The following PCDH15 variants were observed in gnomAD, a reference collection of about 807,000 sequenced individuals.
PCDH15 encodes the protein protocadherin related 15.
In PCDH15, 129 loss-of-function variants were observed where a neutral mutation model predicts 178.5. The ratio of observed to expected loss-of-function variants is 0.72; its 90% CI spans 0.63 to 0.84. The LOEUF is 0.84. Among genes scored for constraint, PCDH15 ranks in the 40% least tolerant of loss-of-function variants. PCDH15 has a pLI of 0.00. For synonymous variants in PCDH15, 800 were observed against 732.0 expected (o/e 1.09, Z -1.50); for missense variants, 2,230 against 2,099.9 (o/e 1.06, Z -1.21).
chr10:53,920,908 G>A (rs563503262), intron 25 of PCDH15, among the ~76,000 whole-genome samples: 138 of 152,220 alleles, frequency 9.1e-4, no homozygotes, highest in African/African-American at 3.0e-3. Flanking sequence ...GAAAAACACA[G>A]TCTAATTATT....
chr10:54,388,669 T>C (rs554160165), intron 3 of PCDH15, among the ~76,000 whole-genome samples: 13 of 152,324 alleles, frequency 8.5e-5, no homozygotes, highest in Admixed American at 3.3e-4. Context: ...AGCTGTGGTG[T>C]GAGCTCTTTG....
chr10:54,429,493 T>C (rs1956697964), intron 3 of PCDH15, among the ~76,000 whole-genome samples: 1 of 152,062 alleles, frequency 6.6e-6, no homozygotes, highest in Non-Finnish European at 1.5e-5. Context: ...TGATAACTTG[T>C]AATGTAAATG....
chr10:54,532,595 T>A (rs778888124), intron 2 of PCDH15, among the ~76,000 whole-genome samples: 1 of 152,148 alleles, frequency 6.6e-6, no homozygotes, highest in Admixed American at 6.5e-5. Context: ...ATTTACTGAA[T>A]GCAAAAACAA....
chr10:54,528,930 AG>A (rs1188833492), intron 2 of PCDH15, among the ~76,000 whole-genome samples: 11 of 152,036 alleles, frequency 7.2e-5, no homozygotes, highest in African/African-American at 2.7e-4. Flanking sequence ...TGAGACATAA[AG>A]TACTCTACTA....
At chr10:55,318,566 T>C (rs1843793042) in intron 1 of PCDH15, among the ~76,000 whole-genome samples, 1 of 151,966 alleles carries the variant, frequency 6.6e-6, no homozygotes, top group South Asian at 2.1e-4. Context: ...AATGAAGAAG[T>C]ACCCAGAATT....
At chr10:54,124,548 G>A (rs1411357882) in intron 15 of PCDH15, among the ~76,000 whole-genome samples, 1 of 152,078 alleles carries the variant, frequency 6.6e-6, no homozygotes, top group Admixed American at 6.6e-5. Flanking sequence ...AGATGAAAAA[G>A]GGCATTGCCA....
intron 2 of PCDH15, among the ~76,000 whole-genome samples, chr10:55,525,610 AGACTCTTT>A (rs1221268879): frequency 1.3e-5 from 2 of 151,938 alleles, no homozygotes; most frequent in Admixed American, 6.6e-5. Flanking sequence ...GTAAGTTGAA[AGACTCTTT>A]TATTTATGAC....
At chr10:54,555,736 C>CAAAAAAAAAAAAAAAA (rs869032040) in intron 2 of PCDH15, among the ~76,000 whole-genome samples, 2 of 73,388 alleles carry the variant, frequency 2.7e-5, no homozygotes, top group Non-Finnish European at 5.3e-5. Flanking sequence ...GACTCTGTCT[C>CAAAAAAAAAAAAAAAA]AAAAAAAAAA....
chr10:54,402,975 C>T (rs1199385544), intron 3 of PCDH15, among the ~76,000 whole-genome samples: 1 of 151,926 alleles, frequency 6.6e-6, no homozygotes, highest in Non-Finnish European at 1.5e-5. Flanking sequence ...CATGTTGTAA[C>T]CAAGATAGGC....
At chr10:54,553,009 T>C (rs193179456) in intron 2 of PCDH15, among the ~76,000 whole-genome samples, 111 of 152,322 alleles carry the variant, frequency 7.3e-4, no homozygotes, top group African/African-American at 2.2e-3. Context: ...GTCATGGATT[T>C]TTTCCATTCC....
intron 2 of PCDH15, among the ~76,000 whole-genome samples, chr10:55,538,947 C>T (rs765821469): frequency 0.14 from 2,082 of 14,570 alleles, 502 homozygotes; most frequent in East Asian, 0.61. Flanking sequence ...TCCTTCCTCC[C>T]TTCCTTCCTT....
At chr10:55,432,237 A>G (rs1838899621) in intron 2 of PCDH15, among the ~76,000 whole-genome samples, 1 of 152,200 alleles carries the variant, frequency 6.6e-6, no homozygotes, top group Non-Finnish European at 1.5e-5. Context: ...ATTACAGATA[A>G]ATGTTCAAAG....
chr10:53,884,248 A>G (rs1227971449), intron 26 of PCDH15, among the ~76,000 whole-genome samples: 5 of 152,168 alleles, frequency 3.3e-5, no homozygotes, highest in Non-Finnish European at 5.9e-5. Flanking sequence ...ACAGAAGACT[A>G]TATTTGAGGA....
At chr10:55,001,525 G>A (rs1217668564) in intron 2 of PCDH15, among the ~76,000 whole-genome samples, 1 of 152,148 alleles carries the variant, frequency 6.6e-6, no homozygotes, top group Non-Finnish European at 1.5e-5. Context: ...TCTGGGCAAG[G>A]CTGTCAGTGG....
intron 2 of PCDH15, among the ~76,000 whole-genome samples, chr10:55,566,221 T>C (rs989740677): frequency 6.6e-6 from 1 of 151,690 alleles, no homozygotes; most frequent in Non-Finnish European, 1.5e-5. Context: ...GTTATCTCAA[T>C]TGATGCATAA....
At chr10:53,990,145 T>A (rs2610885) in intron 21 of PCDH15, among the ~76,000 whole-genome samples, 63,934 of 151,832 alleles carry the variant, frequency 0.42, 14,177 homozygotes, top group Middle Eastern at 0.63. Context: ...GAAAAGAAGA[T>A]CTAGCCATCT....
intron 2 of PCDH15, among the ~76,000 whole-genome samples, chr10:55,003,733 T>G (rs1839853862): frequency 6.6e-6 from 1 of 152,218 alleles, no homozygotes; most frequent in Admixed American, 6.5e-5. Flanking sequence ...GTAGCCTGCT[T>G]TGAGAAACTG....
At chr10:55,164,274 G>A (rs536778406) in intron 2 of PCDH15, among the ~76,000 whole-genome samples, 2 of 151,632 alleles carry the variant, frequency 1.3e-5, no homozygotes, top group East Asian at 3.9e-4. Flanking sequence ...GGTATAACTG[G>A]GTTTCACCTA....
intron 2 of PCDH15, among the ~76,000 whole-genome samples, chr10:55,134,218 T>C (rs1212856686): frequency 2.6e-5 from 4 of 152,132 alleles, no homozygotes; most frequent in African/African-American, 9.7e-5. Context: ...AAGTCAACAA[T>C]TCATTTTTCA....
Sources: allele counts gnomAD v4.1 joint callset (sites outside exome capture counted in the v4.1 genomes callset), GRCh38; gene constraint gnomAD v4.1.1; transcripts MANE v1.5; gene names NCBI Gene and HGNC (gene_info 2026-07-23, HGNC 2026-07-21).